The following GPAT2 variants were observed in gnomAD, a reference collection of about 807,000 sequenced individuals.
GPAT2 encodes the protein glycerol-3-phosphate acyltransferase 2, mitochondrial.
A neutral mutation model predicts 71.0 loss-of-function variants in GPAT2; 51 were observed. The ratio of observed to expected loss-of-function variants is 0.72; its 90% CI spans 0.57 to 0.91. The LOEUF (loss-of-function observed/expected upper bound fraction) is 0.91, where lower values mean the gene tolerates loss of function less well. Ranked by LOEUF, GPAT2 falls within the 40% of genes least tolerant of loss-of-function variation. The pLI is 0.00. For synonymous variants in GPAT2, 222 were observed against 290.3 expected (o/e 0.76, Z 2.39); for missense variants, 511 against 666.0 (o/e 0.77, Z 2.56).
chr2:96,029,934 G>A (rs1291045942), intron 6 of GPAT2, among the ~76,000 whole-genome samples: 1 of 98,154 alleles, frequency 1.0e-5, no homozygotes, highest in East Asian at 2.1e-4. Flanking sequence ...TCTGCCTCTC[G>A]ATTTCACCTC....
At chr2:96,024,710 C>G in intron 14 of GPAT2, 25 bp from the exon 15 acceptor site, 5 of 1,613,756 alleles carry the variant, frequency 3.1e-6, no homozygotes, top group Non-Finnish European at 4.2e-6. Flanking sequence ...CAGGGCTAGG[C>G]AGCAGGGCCA....
rs774077769 is a variant in GPAT2 at position 96,023,129 on chromosome 2, C to T, written c.2144G>A (p.Arg715His). 4 of 1,608,932 alleles carry T rather than the reference C, an allele frequency of 2.5e-6. No individual in the cohort carries two copies. The highest frequency in any genetic ancestry group is 1.3e-5 in the African/African-American group (1 of 74,780). The change falls in exon 19 of 22, where the codon CGC (arginine) becomes CAC (histidine). Residue 715 changes from arginine to histidine, a missense_variant. This residue lies in a region of GPAT2 where 108 missense variants were observed against 117.6 expected (regional missense o/e 0.92). Transcript: ENST00000434632. Reference sequence around the variant, plus strand: ...ACCAGTATCGGGCAGCTGGCCCTGGCGGAGGAAGGCGGCAGCCTGTGCAAA... The same window carrying T: ...ACCAGTATCGGGCAGCTGGCCCTGGTGGAGGAAGGCGGCAGCCTGTGCAAA... ...KAFAQAAAFL[R>H]QGQLPDTELG...
In GPAT2 at chr2:96,021,974, G is replaced by A. The variant is rs533434703; in HGVS notation, c.*185C>T. On this transcript the variant is annotated 3_prime_UTR_variant, in exon 22 of 22. Transcript: ENST00000434632. ...TGCTGGGCTGGGGAAAAGACAACTC[G>A]TCTCGTCCCCTTGTTTATCACATCA... The A allele has an allele frequency of 6.4e-6, 9 of 1,395,686 alleles. No individual in the cohort carries two copies. Among genetic ancestry groups the A allele is most frequent in the South Asian group, 3.0e-5 (2 of 65,720 alleles). The allele number at this position is 1,395,686 out of a possible 1,614,324, so 86.5% of individuals were successfully genotyped here. A position where few individuals can be genotyped will look rare whatever the true frequency, so the allele number is the denominator to read the frequency against.
intron 20 of GPAT2, 60 bp downstream of exon 20, chr2:96,022,898 C>T: frequency 6.2e-7 from 1 of 1,612,844 alleles, no homozygotes; most frequent in Non-Finnish European, 8.5e-7. Context: ...CTGCAGGGGG[C>T]AGCAGCCACC....
Position 96,023,999 on chromosome 2 carries a change from G to T in GPAT2, c.1838C>A (p.Pro613His). ...ACAGTAGCAGTAGGAAGACTGGCAGGGCTGGGAGAAAAAGGCACCCATGTG... is the reference window on the plus strand; with the variant it reads ...ACAGTAGCAGTAGGAAGACTGGCAGTGCTGGGAGAAAAAGGCACCCATGTG... The part of the protein sequence containing the change: ...LLPQDLLLLK[P>H]CQSSYCYCQE... The change falls in exon 17 of 22, where the codon CCC becomes CAC. Residue 613 changes from proline to histidine, a missense_variant and splice_region_variant. Physicochemically the swap from Pro to His is moderately conservative, Grantham distance 77. Around this residue, in one of 7 missense-constraint regions of GPAT2, gnomAD observed 295 missense variants for 305.5 expected, o/e 0.97. Coordinates refer to ENST00000434632, the MANE Select transcript of GPAT2 (RefSeq NM_001321527.2). The T allele has an allele frequency of 1.3e-6, 2 of 1,591,482 alleles. No homozygotes were observed. The highest frequency in any genetic ancestry group is 1.1e-5 in the South Asian group (1 of 87,548).
Position 96,024,290 on chromosome 2 carries a change from G to A in GPAT2, c.1735C>T (p.Pro579Ser), listed in dbSNP as rs1680096918. The A allele has an allele frequency of 4.5e-6, 7 of 1,553,836 alleles. No individual in the cohort carries two copies. The South Asian group carries it at 6.1e-5, about 14-fold the overall frequency. The part of the protein sequence containing the change: ...LLAGRVPPQG[P>S]WELQGILLLS... The stretch of plus-strand genomic sequence containing the variant: ...AGCAATATGCCCTGCAGCTCCCAGG[G>A]CCCCTGGGGCGGCACTCTGCCTGCC... The change falls in exon 16 of 22, where the codon CCC (proline) becomes TCC (serine). Residue 579 changes from proline (P) to serine (S), a missense_variant. Transcript: ENST00000434632.
rs1679890573 is a variant in GPAT2 at position 96,023,142 on chromosome 2, C to T, written c.2131G>A (p.Ala711Thr). The T allele has an allele frequency of 1.2e-6, 2 of 1,608,734 alleles. No homozygotes were observed. Among genetic ancestry groups the T allele is most frequent in the Non-Finnish European group, 1.7e-6 (2 of 1,177,182 alleles). The change falls in exon 19 of 22, where the codon GCC (alanine) becomes ACC (threonine). Residue 711 changes from alanine (A) to threonine (T), a missense_variant. Physicochemically the swap from Ala to Thr is moderately conservative, Grantham distance 58 (BLOSUM62 0). Coordinates refer to ENST00000434632, the MANE Select transcript of GPAT2 (RefSeq NM_001321527.2). ...SPLLKAFAQA[A>T]AFLRQGQLPD... ...AGCTGGCCCTGGCGGAGGAAGGCGGCAGCCTGTGCAAAGGCCTTGAGCAGC... is the reference window on the plus strand; with the variant it reads ...AGCTGGCCCTGGCGGAGGAAGGCGGTAGCCTGTGCAAAGGCCTTGAGCAGC...
chr2:96,024,479 C>A lies in GPAT2; in HGVS notation c.1635G>T (p.Leu545=), dbSNP rs1680133755. ...VPQPGPGLTH[L]AQLSAELLPV... Reference sequence around the variant, plus strand: ...GCAGCAGCTCAGCACTCAGTTGTGCCAGGTGTGTGAGGCCTGGGCCAGGCT... The same window carrying A: ...GCAGCAGCTCAGCACTCAGTTGTGCAAGGTGTGTGAGGCCTGGGCCAGGCT... Residue 545 remains leucine, a synonymous_variant, in exon 15 of 22, where the codon CTG becomes CTT. Transcript: ENST00000434632. 1 of 1,613,862 alleles carries A rather than the reference C, an allele frequency of 6.2e-7. No homozygotes were observed. The highest frequency in any genetic ancestry group is 1.3e-5 in the African/African-American group (1 of 74,920).
chr2:96,022,283 A>G lies in GPAT2; in HGVS notation c.2290-8T>C, dbSNP rs780010997. On this transcript the variant is annotated splice_region_variant and splice_polypyrimidine_tract_variant and intron_variant, in intron 21 of 21. Transcript: ENST00000434632. ...CGGCGTCTGCTGCAGAACCTGGGCC[A>G]TGGAAGATAAGCCGTGAGTGCGCTC... is the stretch of plus-strand genomic sequence containing the variant. 7 of 1,586,452 alleles carry G rather than the reference A, an allele frequency of 4.4e-6. No homozygotes were observed. In the South Asian group the frequency reaches 4.5e-5, roughly 10 times the overall value.
At chr2:96,024,711 A>C in intron 14 of GPAT2, 26 bp from the exon 15 acceptor site, 1 of 1,613,728 alleles carries the variant, frequency 6.2e-7, no homozygotes, top group Non-Finnish European at 8.5e-7. Context: ...AGGGCTAGGC[A>C]GCAGGGCCAC....
chr2:96,022,581 G>A, intron 21 of GPAT2, 87 bp downstream of exon 21: 2 of 1,351,732 alleles, frequency 1.5e-6, no homozygotes, highest in South Asian at 2.3e-5. Context: ...GCCCTGTGGA[G>A]TGATGGGGAC....
chr2:96,025,340 T>C, intron 13 of GPAT2, 145 bp downstream of exon 13: 1 of 1,103,164 alleles, frequency 9.1e-7, no homozygotes. Flanking sequence ...GGAGAAGGGT[T>C]CCATTCTTCT....
chr2:96,024,662 C>G lies in GPAT2; in HGVS notation c.1452G>C (p.Leu484=), dbSNP rs771221189. ...CCTCCGTCAGCCAGGAGAACTCCCC[C>G]AGGAGCTGCGACAGGAACACACCCT... ...HQKGVFLSQL[L]GEFSWLTEEI... is the part of the protein sequence containing the mutation. The change falls in exon 15 of 22, where the codon CTG becomes CTC. Residue 484 remains leucine, a synonymous_variant. Transcript: ENST00000434632. 1.2e-6 allele frequency: 2 copies of G among 1,613,842 alleles called. No individual in the cohort carries two copies. Among genetic ancestry groups the G allele is most frequent in the Non-Finnish European group, 1.7e-6 (2 of 1,179,854 alleles).
At chr2:96,022,849 C>G in intron 20 of GPAT2, 109 bp downstream of exon 20, 2 of 1,611,986 alleles carry the variant, frequency 1.2e-6, no homozygotes, top group Non-Finnish European at 1.7e-6. Flanking sequence ...GAAGACTGTA[C>G]TCTGCAGCCT....
chr2:96,022,401 C>T (rs953848224), intron 21 of GPAT2, 126 bp from the exon 22 acceptor site: 30 of 1,200,460 alleles, frequency 2.5e-5, no homozygotes, highest in African/African-American at 3.1e-5. Context: ...TCAATGTTTG[C>T]GTGCAAATGC....
intron 13 of GPAT2, chr2:96,025,127 G>A (rs1680258000): frequency 3.4e-6 from 2 of 586,480 alleles, no homozygotes; most frequent in East Asian, 5.7e-5. Flanking sequence ...GCCCTCTGTG[G>A]AGGCGCTGTG....
rs761273723 is a variant in GPAT2 at position 96,026,004 on chromosome 2, G to A, written c.1164C>T (p.Ile388=). Residue 388 remains isoleucine, a synonymous_variant, in exon 12 of 22, where the codon ATC becomes ATT. Coordinates refer to ENST00000434632, the MANE Select transcript of GPAT2 (RefSeq NM_001321527.2). ...LAQPFSLQEY[I]VSARSCWGGR... The stretch of plus-strand genomic sequence containing the variant: ...CGCCCCAGCAGCTTCTGGCACTGAC[G>A]ATGTATTCCTGCCCAAGAGAAGGCT... The A allele has an allele frequency of 1.3e-5, 21 of 1,612,648 alleles. No homozygotes were observed. Among genetic ancestry groups the A allele is most frequent in the Admixed American group, 8.3e-5 (5 of 59,996 alleles).
chr2:96,024,064 A>G (rs1680066504), intron 16 of GPAT2, 64 bp from the exon 17 acceptor site: 6 of 1,589,224 alleles, frequency 3.8e-6, no homozygotes, highest in Non-Finnish European at 5.1e-6. Context: ...GGCCTAGCCA[A>G]AGACCGGGCA....
Position 96,024,653 on chromosome 2 carries a change from G to C in GPAT2, c.1461C>G (p.Phe487Leu), listed in dbSNP as rs754808578. The C allele has an allele frequency of 2.5e-6, 4 of 1,613,922 alleles. No homozygotes were observed. The highest frequency in any genetic ancestry group is 1.7e-5 in the Admixed American group (1 of 60,016). The stretch of plus-strand genomic sequence containing the variant: ...ACAGTATCTCCTCCGTCAGCCAGGA[G>C]AACTCCCCCAGGAGCTGCGACAGGA... Reference protein sequence around the residue: ...GVFLSQLLGEFSWLTEEILLR... With the variant: ...GVFLSQLLGELSWLTEEILLR... The change falls in exon 15 of 22, where the codon TTC (phenylalanine) becomes TTG (leucine). Residue 487 changes from phenylalanine (F) to leucine (L), a missense_variant. Phe to Leu is a conservative substitution (Grantham distance 22). Coordinates refer to ENST00000434632, the MANE Select transcript of GPAT2 (RefSeq NM_001321527.2).
Sources: allele counts gnomAD v4.1 joint callset (sites outside exome capture counted in the v4.1 genomes callset), GRCh38; gene constraint gnomAD v4.1.1; regional missense constraint gnomAD v4.1.1; transcripts MANE v1.5; gene names NCBI Gene and HGNC (gene_info 2026-07-23, HGNC 2026-07-21).